Variants in PPP1R21 observed in about 807,000 individuals in gnomAD.
PPP1R21 encodes the protein KLRAQ motif containing 1.
PPP1R21 carries 85 observed loss-of-function variants against 112.8 expected under a neutral mutation model. The ratio of observed to expected loss-of-function variants is 0.75; its 90% CI spans 0.63 to 0.90. The LOEUF is 0.90. PPP1R21 is among the 40% of genes least tolerant of loss of function. PPP1R21 has a pLI of 0.00. For synonymous variants in PPP1R21, 381 were observed against 322.3 expected, an observed-to-expected ratio of 1.18 and a Z score of -1.95; for missense variants, 1,199 against 901.5, an observed-to-expected ratio of 1.33 and a Z score of -4.23.
rs369147710 is a variant in PPP1R21 at position 48,454,791 on chromosome 2, C to T, written c.273+50C>T. 5.0e-6 allele frequency: 7 copies of T among 1,410,124 alleles called. No individual in the cohort carries two copies. In the African/African-American group the frequency reaches 7.1e-5, roughly 14 times the overall value. 87.4% of individuals were successfully genotyped at this position (1,410,124 alleles called of 1,614,324 possible). A position where few individuals can be genotyped will look rare whatever the true frequency, so the allele number is the denominator to read the frequency against. The stretch of plus-strand genomic sequence containing the variant: ...GTGTGACCTTGTCGTTAGTTACTGA[C>T]ACCTACAGGGCATCCTGGTTTTAAC... On this transcript the variant is annotated intron_variant, in intron 3 of 21. Transcript: ENST00000294952.
intron 4 of PPP1R21, among the ~76,000 whole-genome samples, chr2:48,458,953 G>A (rs1320343073): frequency 2.0e-5 from 3 of 151,890 alleles, no homozygotes; most frequent in Non-Finnish European, 2.9e-5. Flanking sequence ...TTAGCCAGGC[G>A]TGGTGGTAGA....
intron 20 of PPP1R21, among the ~76,000 whole-genome samples, chr2:48,510,682 G>A (rs1431384124): frequency 6.6e-6 from 1 of 152,220 alleles, no homozygotes; most frequent in African/African-American, 2.4e-5. Flanking sequence ...GAGAGCATGA[G>A]AAATGGGAAG....
chr2:48,513,371 A>AT (rs113981174), intron 21 of PPP1R21, among the ~76,000 whole-genome samples: 22,945 of 144,482 alleles, frequency 0.16, 2,002 homozygotes, highest in Middle Eastern at 0.24. Flanking sequence ...TGCCCGGCTA[A>AT]TTTTTTTTTT....
At chr2:48,479,830 C>G (rs140622399) in intron 12 of PPP1R21, 94 bp from the exon 13 acceptor site, 1 of 813,198 alleles carries the variant, frequency 1.2e-6, no homozygotes, top group Non-Finnish European at 2.2e-6. Flanking sequence ...ACATTACAAC[C>G]AATCTTCATT....
intron 14 of PPP1R21, among the ~76,000 whole-genome samples, chr2:48,488,538 G>A (rs975667298): frequency 9.2e-5 from 14 of 151,712 alleles, no homozygotes; most frequent in Admixed American, 2.0e-4. Flanking sequence ...GGCTAATTTT[G>A]TTTTTGTATT....
chr2:48,515,186 C>G lies in PPP1R21; in HGVS notation c.*442C>G, dbSNP rs1391095891. ...TTCTTATTATAGTTGAAGGCATTCTCCAGATTCTTTTTAAAAGATTTGTTC... is the reference window on the plus strand; with the variant it reads ...TTCTTATTATAGTTGAAGGCATTCTGCAGATTCTTTTTAAAAGATTTGTTC... On this transcript the variant is annotated 3_prime_UTR_variant, in exon 22 of 22. Transcript: ENST00000294952. The G allele has an allele frequency of 6.8e-6, 1 of 146,260 alleles. No homozygotes were observed. Among genetic ancestry groups the G allele is most frequent in the Non-Finnish European group, 1.5e-5 (1 of 67,392 alleles). The allele number at this position is 146,260 out of a possible 1,614,324, so 9.1% of individuals were successfully genotyped here.
At chr2:48,458,919 C>G (rs1007588835) in intron 4 of PPP1R21, among the ~76,000 whole-genome samples, 12 of 151,768 alleles carry the variant, frequency 7.9e-5, no homozygotes, top group African/African-American at 2.9e-4. Flanking sequence ...GGTGAAACCC[C>G]TTCTCTAGTA....
At position 48,511,362 on chromosome 2, in the gene PPP1R21, G is replaced by C. The variant is rs374583704; in HGVS notation, c.2207G>C (p.Arg736Thr). Residue 736 changes from arginine (R) to threonine (T), a missense_variant, in exon 21 of 22, where the codon AGG (arginine) becomes ACG (threonine). Transcript: ENST00000294952. Reference protein sequence around the residue: ...RLQDELTTTKRSYEDQLSMMS... With the variant: ...RLQDELTTTKTSYEDQLSMMS... Reference sequence around the variant, plus strand: ...TAGGATGAGCTGACAACTACCAAGAGGAGTTACGAGGATCAGTTAAGTATG... The same window carrying C: ...TAGGATGAGCTGACAACTACCAAGACGAGTTACGAGGATCAGTTAAGTATG... 8.7e-6 allele frequency: 14 copies of C among 1,613,562 alleles called. No individual in the cohort carries two copies. Among genetic ancestry groups the C allele is most frequent in the Admixed American group, 3.3e-5 (2 of 59,850 alleles).
intron 19 of PPP1R21, among the ~76,000 whole-genome samples, chr2:48,507,667 C>T (rs188122178): frequency 4.0e-4 from 60 of 148,168 alleles, no homozygotes; most frequent in Middle Eastern, 7.5e-3. Flanking sequence ...TCGCCTGGCC[C>T]GGAGTTCATA....
intron 6 of PPP1R21, 91 bp downstream of exon 6, chr2:48,460,244 T>A: frequency 1.6e-6 from 2 of 1,285,708 alleles, no homozygotes; most frequent in African/African-American, 1.5e-5. Context: ...TTTAATTGTC[T>A]TACATTTAAA....
intron 1 of PPP1R21, among the ~76,000 whole-genome samples, chr2:48,447,092 T>G (rs1230023772): frequency 1.3e-5 from 2 of 152,140 alleles, no homozygotes; most frequent in African/African-American, 4.8e-5. Context: ...AAATTTACTG[T>G]TTTTAGAAGC....
Position 48,471,255 on chromosome 2 carries a change from C to T in PPP1R21, c.1000-24C>T, listed in dbSNP as rs761534284. The T allele has an allele frequency of 3.7e-6, 6 of 1,608,830 alleles. No homozygotes were observed. The East Asian group carries it at 1.3e-4, about 36-fold the overall frequency. On this transcript the variant is annotated intron_variant, in intron 10 of 21. Coordinates refer to ENST00000294952, the MANE Select transcript of PPP1R21 (RefSeq NM_001135629.3). ...CTCTTTGTCCAGTAGCACTTTTAACCTTGAAATTATTTTTCTTTTCCAGGA... is the reference window on the plus strand; with the variant it reads ...CTCTTTGTCCAGTAGCACTTTTAACTTTGAAATTATTTTTCTTTTCCAGGA...
At chr2:48,509,883 G>C in intron 19 of PPP1R21, 132 bp from the exon 20 acceptor site, 1 of 591,258 alleles carries the variant, frequency 1.7e-6, no homozygotes, top group Admixed American at 2.9e-5. Context: ...ATGCCTATAG[G>C]TATTCAACAG....
chr2:48,458,862 G>T lies in PPP1R21; in HGVS notation c.375+635G>T, dbSNP rs529611370. Among the ~76,000 whole-genome samples the T allele has an allele frequency of 3.9e-5, 6 of 152,210 alleles. No individual in the cohort carries two copies. The East Asian group carries it at 9.7e-4, about 25-fold the overall frequency. The stretch of plus-strand genomic sequence containing the variant: ...AATCCCAGCACTTTGGGAGGCCAAG[G>T]TGGGCGGATCACGAGGTCAGGAGAT... On this transcript the variant is annotated intron_variant, in intron 4 of 21. Transcript: ENST00000294952.
At chr2:48,514,663 GTTA>G in intron 21 of PPP1R21, 49 bp from the exon 22 acceptor site, 1 of 1,338,122 alleles carries the variant, frequency 7.5e-7, no homozygotes, top group Non-Finnish European at 1.1e-6. Context: ...AACTATGTGA[GTTA>G]TTTTTTTTTA....
intron 11 of PPP1R21, 66 bp downstream of exon 11, chr2:48,471,433 A>T (rs2103851023): frequency 6.9e-7 from 1 of 1,441,086 alleles, no homozygotes; most frequent in East Asian, 2.3e-5. Flanking sequence ...GCTGGCGTTA[A>T]TAAAATATTA....
intron 12 of PPP1R21, among the ~76,000 whole-genome samples, chr2:48,479,007 G>C (rs1237116252): frequency 6.6e-6 from 1 of 152,176 alleles, no homozygotes; most frequent in Non-Finnish European, 1.5e-5. Flanking sequence ...CTTAGTGGAG[G>C]GGGTAGGCAG....
At chr2:48,506,944 CA>C (rs11314362) in intron 18 of PPP1R21, among the ~76,000 whole-genome samples, 72,585 of 96,528 alleles carry the variant, frequency 0.75, 26,091 homozygotes, top group Middle Eastern at 0.86. Flanking sequence ...GACTCTGCCT[CA>C]AAAAAAAAAA....
At chr2:48,482,564 A>T (rs934587612) in intron 13 of PPP1R21, among the ~76,000 whole-genome samples, 1 of 152,064 alleles carries the variant, frequency 6.6e-6, no homozygotes, top group Non-Finnish European at 1.5e-5. Flanking sequence ...GTAATATATC[A>T]TCTAGACATT....
Sources: gnomAD v4.1 joint callset for allele counts (sites outside exome capture counted in the v4.1 genomes callset) on GRCh38, gnomAD v4.1.1 for gene constraint, MANE v1.5 for transcripts, NCBI Gene and HGNC (gene_info 2026-07-23, HGNC 2026-07-21) for gene names.